MICU3: variants seen among roughly 807,000 people sequenced by gnomAD.
The protein encoded by MICU3 is mitochondrial calcium uptake 3.
MICU3 carries 62 observed loss-of-function variants against 66.5 expected under a neutral mutation model. That is an observed-to-expected ratio of 0.93 (90% CI 0.76 to 1.15). The LOEUF is 1.15. MICU3 is among the 50% of genes most tolerant of loss of function. The pLI is 0.00. For synonymous variants in MICU3, 308 were observed against 240.7 expected, an observed-to-expected ratio of 1.28 and a Z score of -2.59; for missense variants, 779 against 664.4, an observed-to-expected ratio of 1.17 and a Z score of -1.90.
At chr8:17,113,683 T>C (rs969041763) in intron 11 of MICU3, among the ~76,000 whole-genome samples, 2 of 152,252 alleles carry the variant, frequency 1.3e-5, no homozygotes, top group African/African-American at 2.4e-5. Flanking sequence ...ATTTGAGGAA[T>C]ACATGTGCAG....
At chr8:17,058,563 A>C (rs1817341496) in intron 1 of MICU3, among the ~76,000 whole-genome samples, 1 of 151,894 alleles carries the variant, frequency 6.6e-6, no homozygotes, top group South Asian at 2.1e-4. Flanking sequence ...TATAATTGTG[A>C]TGTTAAAACT....
At chr8:17,069,359 T>C (rs531954053) in intron 2 of MICU3, among the ~76,000 whole-genome samples, 2 of 152,290 alleles carry the variant, frequency 1.3e-5, no homozygotes, top group South Asian at 4.1e-4. Context: ...TAAGTATCAT[T>C]ATTTGTGCTT....
rs375641873 is a variant in MICU3 at position 17,098,499 on chromosome 8, T to C, written c.930T>C (p.Tyr310=). The C allele has an allele frequency of 7.8e-5, 125 of 1,611,750 alleles. No individual in the cohort carries two copies. The highest frequency in any genetic ancestry group is 9.8e-5 in the Non-Finnish European group (116 of 1,178,392). The stretch of plus-strand genomic sequence containing the variant: ...CTGAGGAACTTGTCTCCAGAAGCTA[T>C]TGGGATACACTGAGACGTAACACAA... ...TDAEELVSRS[Y]WDTLRRNTSQ... The change falls in exon 9 of 15, where the codon TAT becomes TAC. Residue 310 remains tyrosine (Y), a synonymous_variant. Coordinates refer to ENST00000318063, the MANE Select transcript of MICU3 (RefSeq NM_181723.3).
intron 5 of MICU3, 38 bp downstream of exon 5, chr8:17,081,778 T>G (rs1161284865): frequency 1.2e-6 from 1 of 859,036 alleles, no homozygotes; most frequent in Non-Finnish European, 1.8e-6. Context: ...GGATGCAGCT[T>G]TATTTTTTAA....
chr8:17,060,707 T>C (rs111771144), intron 1 of MICU3, among the ~76,000 whole-genome samples: 1 of 152,290 alleles, frequency 6.6e-6, no homozygotes, highest in African/African-American at 2.4e-5. Flanking sequence ...GCAGAGACAA[T>C]GGAGGAAGCA....
At chr8:17,129,855 A>G in the MICU3 span, among the ~76,000 whole-genome samples, 3 of 152,252 alleles carry the variant, frequency 2.0e-5, no homozygotes, top group Admixed American at 1.3e-4. Context: ...AGAAAGCAAA[A>G]ACAAAAATTT....
chr8:17,074,099 C>T lies in MICU3; in HGVS notation c.568-3684C>T, dbSNP rs540922166. ...ATTTTTAGTAGAGAGGGGGTTTCAC[C>T]GTGGTCTCCATCTCCTGACCTCGTG... On this transcript the variant is annotated intron_variant, in intron 3 of 14. Transcript: ENST00000318063. 6.4e-4 allele frequency among the ~76,000 whole-genome samples: 96 copies of T among 150,480 alleles called. 1 individual carries two copies. The South Asian group carries it at 9.0e-3, about 14-fold the overall frequency.
Position 17,027,528 on chromosome 8 carries a change from C to T in MICU3, c.249C>T (p.Tyr83=), listed in dbSNP as rs1811201251. ...GGGGGCTGGTCGGCCTGGTATGCTA[C>T]CAGCTGTACGGGGACCCCAGGGCCG... ...AGGGLVGLVC[Y]QLYGDPRAGS... The change falls in exon 1 of 15, where the codon TAC becomes TAT. Residue 83 remains tyrosine, a synonymous_variant. Coordinates refer to ENST00000318063, the MANE Select transcript of MICU3 (RefSeq NM_181723.3). The T allele has an allele frequency of 3.9e-6, 5 of 1,281,672 alleles. No individual in the cohort carries two copies. In the South Asian group the frequency reaches 1.3e-4, roughly 34 times the overall value. The allele number at this position is 1,281,672 out of a possible 1,614,324, so 79.4% of individuals were successfully genotyped here. A position where few individuals can be genotyped will look rare whatever the true frequency, so the allele number is the denominator to read the frequency against.
intron 1 of MICU3, among the ~76,000 whole-genome samples, chr8:17,044,967 A>C (rs1248805579): frequency 6.6e-6 from 1 of 152,138 alleles, no homozygotes; most frequent in African/African-American, 2.4e-5. Context: ...AAACTTGGTC[A>C]AGTGGCCCTG....
the MICU3 span, among the ~76,000 whole-genome samples, chr8:17,136,581 TC>T: frequency 6.6e-6 from 1 of 152,206 alleles, no homozygotes; most frequent in South Asian, 2.1e-4. Context: ...TCCCATTCCA[TC>T]CCCACCTTCC....
At chr8:17,045,847 C>A (rs1814981275) in intron 1 of MICU3, among the ~76,000 whole-genome samples, 1 of 152,198 alleles carries the variant, frequency 6.6e-6, no homozygotes. Context: ...CTTTATAAAA[C>A]TGTCAGATCT....
At chr8:17,103,788 C>G (rs1002329605) in intron 9 of MICU3, among the ~76,000 whole-genome samples, 2 of 151,808 alleles carry the variant, frequency 1.3e-5, no homozygotes, top group African/African-American at 4.8e-5. Context: ...TTACGTAAGA[C>G]TTTGAAAAAA....
At chr8:17,132,118 C>G in the MICU3 span, 1 of 152,214 alleles carries the variant, frequency 6.6e-6, no homozygotes, top group African/African-American at 2.4e-5. Context: ...ACTGGATAGT[C>G]TGTTGCCCAA....
the MICU3 span, among the ~76,000 whole-genome samples, chr8:17,134,701 C>T: frequency 6.6e-6 from 1 of 152,152 alleles, no homozygotes; most frequent in Non-Finnish European, 1.5e-5. Flanking sequence ...GCCTTGGCCT[C>T]CCAAATTGCT....
intron 2 of MICU3, among the ~76,000 whole-genome samples, chr8:17,066,327 C>G (rs368688329): frequency 6.6e-6 from 1 of 151,212 alleles, no homozygotes; most frequent in Non-Finnish European, 1.5e-5. Context: ...AGGAAACTTA[C>G]GATATTATAA....
the MICU3 span, among the ~76,000 whole-genome samples, chr8:17,137,596 C>T: frequency 8.2e-5 from 12 of 145,936 alleles, no homozygotes; most frequent in African/African-American, 2.8e-4. Flanking sequence ...CCCATCTTTT[C>T]TTGGGATATG....
At chr8:17,094,284 A>AT (rs1276392696) in intron 8 of MICU3, among the ~76,000 whole-genome samples, 2 of 152,004 alleles carry the variant, frequency 1.3e-5, no homozygotes, top group Non-Finnish European at 2.9e-5. Flanking sequence ...GTGGTCTGTG[A>AT]TCCCATTACA....
At chr8:17,042,515 A>G (rs1334143041) in intron 1 of MICU3, among the ~76,000 whole-genome samples, 1 of 152,192 alleles carries the variant, frequency 6.6e-6, no homozygotes, top group Non-Finnish European at 1.5e-5. Flanking sequence ...TCTTTAAGTA[A>G]GTCCTTACCC....
intron 3 of MICU3, among the ~76,000 whole-genome samples, chr8:17,072,488 C>G (rs1476443824): frequency 6.7e-6 from 1 of 149,904 alleles, no homozygotes; most frequent in African/African-American, 2.5e-5. Context: ...CAAAGCAAAA[C>G]TCAAAATTAT....
Sources: gnomAD v4.1 joint callset for allele counts (sites outside exome capture counted in the v4.1 genomes callset) on GRCh38, gnomAD v4.1.1 for gene constraint, MANE v1.5 for transcripts, NCBI Gene and HGNC (gene_info 2026-07-23, HGNC 2026-07-21) for gene names.